MYO3A: variants seen among roughly 807,000 people sequenced by gnomAD.
The protein encoded by MYO3A is myosin IIIA.
In MYO3A, 180 loss-of-function variants were observed where a neutral mutation model predicts 192.7. The ratio of observed to expected loss-of-function variants is 0.93; its 90% CI spans 0.83 to 1.06. MYO3A has a LOEUF of 1.06. Among genes scored for constraint, MYO3A ranks in the 50% least tolerant of loss-of-function variants. The pLI is 0.00. For missense variants in MYO3A, 1,896 were observed against 1,905.0 expected (o/e 1.00, Z 0.09); for synonymous variants, 628 against 645.3 (o/e 0.97, Z 0.41).
intron 32 of MYO3A, among the ~76,000 whole-genome samples, chr10:26,198,794 T>C (rs1405889359): frequency 6.6e-6 from 1 of 152,150 alleles, no homozygotes; most frequent in African/African-American, 2.4e-5. Context: ...AGCCAGAAAA[T>C]CTACGTGAGT....
intron 34 of MYO3A, among the ~76,000 whole-genome samples, chr10:26,203,677 G>A (rs1843779460): frequency 6.6e-6 from 1 of 152,032 alleles, no homozygotes. Context: ...AAATATCTGT[G>A]GCATTTTGAG....
chr10:26,060,540 A>G (rs1834401439), intron 10 of MYO3A, among the ~76,000 whole-genome samples: 1 of 128,200 alleles, frequency 7.8e-6, no homozygotes, highest in South Asian at 2.7e-4. Flanking sequence ...CAAAATTCAC[A>G]GCTCTCACTT....
At chr10:26,206,792 G>A (rs1046725793) in intron 34 of MYO3A, among the ~76,000 whole-genome samples, 11 of 152,176 alleles carry the variant, frequency 7.2e-5, no homozygotes, top group African/African-American at 2.7e-4. Context: ...TTTCTGTAAT[G>A]GTTGTACTAA....
chr10:25,944,424 G>A lies in MYO3A; in HGVS notation c.-17-7670G>A, dbSNP rs377292627. ...ATGCTGGCCTCATAGTATGAGTTAG[G>A]AAGTGTGCCCTCTTTTTAATATTTT... is the stretch of plus-strand genomic sequence containing the variant. On this transcript the variant is annotated intron_variant, in intron 2 of 34. Transcript: ENST00000642920. Among the ~76,000 whole-genome samples the A allele has an allele frequency of 2.0e-5, 3 of 152,120 alleles. No homozygotes were observed. The East Asian group carries it at 5.8e-4, about 29-fold the overall frequency.
chr10:26,108,722 TC>T (rs1215724983), intron 17 of MYO3A, among the ~76,000 whole-genome samples: 2 of 152,208 alleles, frequency 1.3e-5, no homozygotes, highest in Non-Finnish European at 2.9e-5. Flanking sequence ...AATCTCTCAG[TC>T]TTGCCTTCTC....
chr10:26,167,308 A>AT (rs1485276134), intron 27 of MYO3A, among the ~76,000 whole-genome samples: 1 of 152,102 alleles, frequency 6.6e-6, no homozygotes, highest in Non-Finnish European at 1.5e-5. Flanking sequence ...TTAAAAAAAA[A>AT]GCCACCTTAA....
intron 20 of MYO3A, among the ~76,000 whole-genome samples, chr10:26,140,928 G>A (rs1414915986): frequency 6.6e-6 from 1 of 151,946 alleles, no homozygotes; most frequent in East Asian, 1.9e-4. Context: ...TTGTTTGTTT[G>A]TTTGTTTTTT....
intron 31 of MYO3A, among the ~76,000 whole-genome samples, chr10:26,186,268 T>G (rs1447149845): frequency 7.3e-6 from 1 of 136,430 alleles, no homozygotes; most frequent in East Asian, 2.0e-4. Flanking sequence ...ATATCCTTCT[T>G]TTTTTTTTTT....
chr10:25,984,573 G>A (rs765340737), intron 4 of MYO3A, among the ~76,000 whole-genome samples: 17 of 152,074 alleles, frequency 1.1e-4, no homozygotes, highest in South Asian at 2.1e-4. Flanking sequence ...CCTTGTCTCT[G>A]TACAGGGAAG....
intron 10 of MYO3A, among the ~76,000 whole-genome samples, chr10:26,057,781 G>A (rs1031280344): frequency 6.6e-6 from 1 of 152,216 alleles, no homozygotes; most frequent in Admixed American, 6.5e-5. Context: ...CCAAAGAAGT[G>A]TGATTGAAGA....
intron 23 of MYO3A, among the ~76,000 whole-genome samples, chr10:26,152,825 C>T (rs988794212): frequency 1.3e-5 from 2 of 152,130 alleles, no homozygotes; most frequent in Non-Finnish European, 2.9e-5. Flanking sequence ...GGCACACACC[C>T]GTCTCAGCCC....
At chr10:25,947,372 T>G (rs959447902) in intron 2 of MYO3A, among the ~76,000 whole-genome samples, 1 of 150,044 alleles carries the variant, frequency 6.7e-6, no homozygotes, top group African/African-American at 2.4e-5. Flanking sequence ...TAAGATGGTA[T>G]TATTTCTTTT....
intron 3 of MYO3A, among the ~76,000 whole-genome samples, chr10:25,953,091 T>C (rs761993280): frequency 1.2e-4 from 18 of 152,028 alleles, no homozygotes; most frequent in Non-Finnish European, 2.2e-4. Context: ...AAACATCTAT[T>C]GAAAGCAACT....
At chr10:26,095,146 C>T (rs898639953) in intron 15 of MYO3A, among the ~76,000 whole-genome samples, 4 of 152,094 alleles carry the variant, frequency 2.6e-5, no homozygotes, top group Non-Finnish European at 5.9e-5. Flanking sequence ...GGAGTATCCA[C>T]AACAATTTAG....
At chr10:26,068,723 C>T in intron 11 of MYO3A, 45 bp from the exon 12 acceptor site, 1 of 1,288,200 alleles carries the variant, frequency 7.8e-7, no homozygotes. Flanking sequence ...TGTAGTTGAC[C>T]ACAAATAATT....
At chr10:26,032,843 A>G (rs995608522) in intron 10 of MYO3A, among the ~76,000 whole-genome samples, 3 of 152,274 alleles carry the variant, frequency 2.0e-5, no homozygotes, top group Admixed American at 1.3e-4. Flanking sequence ...TCTGGGCAAG[A>G]TAATTTTTCT....
At chr10:25,942,012 T>C (rs1293041027) in intron 2 of MYO3A, among the ~76,000 whole-genome samples, 2 of 150,474 alleles carry the variant, frequency 1.3e-5, no homozygotes, top group African/African-American at 4.9e-5. Flanking sequence ...TTTTCTTTTT[T>C]TTTTTTTTAG....
At position 26,010,450 on chromosome 10, in the gene MYO3A, GTT is replaced by G. The variant is rs778349166; in HGVS notation, c.509-6350_509-6349del. On this transcript the variant is annotated intron_variant, in intron 6 of 34. Coordinates refer to ENST00000642920, the MANE Select transcript of MYO3A (RefSeq NM_017433.5). ...CATCCATGAGATAGACTAAGTAGTT[GTT>G]TTTTTTTTTTTTTTTTTTTGTTTTG... 3.6e-4 allele frequency among the ~76,000 whole-genome samples: 40 copies of G among 111,236 alleles called. No individual in the cohort carries two copies. The East Asian group carries it at 5.3e-3, about 15-fold the overall frequency. The allele number at this position is 111,236 out of a possible 152,430, so 73.0% of individuals were successfully genotyped here.
At chr10:26,011,443 T>A (rs116137373) in intron 6 of MYO3A, among the ~76,000 whole-genome samples, 14,097 of 150,666 alleles carry the variant, frequency 0.094, 1,146 homozygotes, top group African/African-American at 0.21. Context: ...TAAAAAAGTT[T>A]AAAAAAAAAG....
Sources: allele counts gnomAD v4.1 joint callset (sites outside exome capture counted in the v4.1 genomes callset), GRCh38; gene constraint gnomAD v4.1.1; transcripts MANE v1.5; gene names NCBI Gene and HGNC (gene_info 2026-07-23, HGNC 2026-07-21).